The following FRYL variants were observed in gnomAD, a reference collection of about 807,000 sequenced individuals.
FRYL encodes the protein FRY like transcription coactivator.
FRYL carries 150 observed loss-of-function variants against 351.2 expected under a neutral mutation model. The observed-to-expected ratio is 0.43, with a 90% CI of 0.37 to 0.49. The LOEUF (loss-of-function observed/expected upper bound fraction) is 0.49. FRYL is among the 20% of genes least tolerant of loss of function. The probability of loss-of-function intolerance (pLI) is 0.00; values close to 1 mark genes in which losing one functional copy is unlikely to be tolerated. For missense variants in FRYL, 3,036 were observed against 3,619.3 expected (o/e 0.84, Z 4.13); for synonymous variants, 1,153 against 1,257.1 (o/e 0.92, Z 1.75).
chr4:48,574,647 A>T (rs7679210), intron 25 of FRYL: 78,007 of 151,872 alleles, frequency 0.51, 20,493 homozygotes, highest in South Asian at 0.62. Flanking sequence ...GCAGAACTTC[A>T]GGCAAAACTG....
intron 53 of FRYL, 77 bp downstream of exon 53, chr4:48,527,400 G>A (rs1726497175): frequency 2.4e-6 from 3 of 1,238,342 alleles, no homozygotes; most frequent in South Asian, 1.6e-5. Context: ...CCTCAATAAG[G>A]AATGATCCTG....
chr4:48,564,859 A>T, intron 30 of FRYL, 74 bp downstream of exon 30: 1 of 711,474 alleles, frequency 1.4e-6, no homozygotes, highest in Non-Finnish European at 2.3e-6. Context: ...ACTTGTTTTT[A>T]GTGCAACATA....
Position 48,732,597 on chromosome 4 carries a change from T to C in FRYL, c.-383-21899A>G, listed in dbSNP as rs192653403. Among the ~76,000 whole-genome samples, 1,332 of 152,016 alleles carry C rather than the reference T, an allele frequency of 8.8e-3. 18 individuals are homozygous for C. Among genetic ancestry groups the C allele is most frequent in the African/African-American group, 0.031 (1,270 of 41,438 alleles). ...TACACCATGGAATACTCTGCAGCCA[T>C]AAAAAAGGATGAGTTCATGTCCTTT... On this transcript the variant is annotated intron_variant, in intron 1 of 63. Coordinates refer to ENST00000358350, the MANE Select transcript of FRYL (RefSeq NM_015030.2).
intron 3 of FRYL, among the ~76,000 whole-genome samples, chr4:48,655,958 TTATA>T (rs1332831265): frequency 1.4e-5 from 2 of 139,130 alleles, no homozygotes. Context: ...TATATGTACA[TTATA>T]TATAATGTGC....
chr4:48,619,426 TGTTA>T (rs1400154483), intron 6 of FRYL, 56 bp from the exon 7 acceptor site: 19 of 912,568 alleles, frequency 2.1e-5, no homozygotes, highest in African/African-American at 3.4e-5. Context: ...TAAAAATACC[TGTTA>T]GTTAGTAGCT....
chr4:48,706,302 T>C (rs1029944948), intron 2 of FRYL, among the ~76,000 whole-genome samples: 4 of 152,238 alleles, frequency 2.6e-5, no homozygotes, highest in Non-Finnish European at 5.9e-5. Flanking sequence ...TGGAATATTA[T>C]TCAGCCTTAA....
chr4:48,663,774 CAAAAAA>C (rs71191251), intron 3 of FRYL, among the ~76,000 whole-genome samples: 15 of 70,112 alleles, frequency 2.1e-4, no homozygotes, highest in South Asian at 7.7e-4. Context: ...GACTCCGTCT[CAAAAAA>C]AAAAAAAAAA....
intron 1 of FRYL, among the ~76,000 whole-genome samples, chr4:48,762,046 T>A (rs1774472055): frequency 6.6e-6 from 1 of 152,158 alleles, no homozygotes; most frequent in South Asian, 2.1e-4. Context: ...ACTAGCTCTC[T>A]TTCCACCAAG....
chr4:48,584,183 T>C (rs1487946334), intron 19 of FRYL, among the ~76,000 whole-genome samples: 1 of 152,198 alleles, frequency 6.6e-6, no homozygotes, highest in Non-Finnish European at 1.5e-5. Flanking sequence ...CTGAAGAGAA[T>C]TATGCTAGTA....
rs904989125 is a variant in FRYL, at chr4:48,734,774, C to T, written c.-383-24076G>A. Among the ~76,000 whole-genome samples, 388 of 152,228 alleles carry T rather than the reference C, an allele frequency of 2.5e-3. 4 individuals are homozygous for T. The highest frequency in any genetic ancestry group is 6.8e-3 in the Middle Eastern group (2 of 294). On this transcript the variant is annotated intron_variant, in intron 1 of 63. Coordinates refer to ENST00000358350, the MANE Select transcript of FRYL (RefSeq NM_015030.2). Reference sequence around the variant, plus strand: ...TTTCTACATATGGCTAGCCAGTTTTCCCAGCACCATTTATTAAATAGGGAA... The same window carrying T: ...TTTCTACATATGGCTAGCCAGTTTTTCCAGCACCATTTATTAAATAGGGAA...
At chr4:48,548,607 C>T in intron 40 of FRYL, 83 bp downstream of exon 40, 1 of 761,456 alleles carries the variant, frequency 1.3e-6, no homozygotes, top group Non-Finnish European at 2.2e-6. Context: ...AACAGAAACA[C>T]ATAAAAACTG....
intron 7 of FRYL, among the ~76,000 whole-genome samples, chr4:48,616,950 T>C (rs1024938052): frequency 1.3e-5 from 2 of 152,224 alleles, no homozygotes; most frequent in African/African-American, 4.8e-5. Context: ...TAGTTAGTGG[T>C]GATATTTCAG....
chr4:48,603,473 T>C (rs1338902224), intron 11 of FRYL, 85 bp from the exon 12 acceptor site: 3 of 876,726 alleles, frequency 3.4e-6, no homozygotes, highest in African/African-American at 1.7e-5. Flanking sequence ...TCTGTAAGGT[T>C]TGAAATTGGT....
At chr4:48,614,815 CTT>C (rs369399363) in intron 7 of FRYL, among the ~76,000 whole-genome samples, 18 of 67,956 alleles carry the variant, frequency 2.6e-4, no homozygotes, top group East Asian at 4.8e-4. Flanking sequence ...AAGTTTAATG[CTT>C]TTTTTTTTTT....
intron 1 of FRYL, among the ~76,000 whole-genome samples, chr4:48,760,552 T>G (rs1365704540): frequency 1.3e-5 from 2 of 152,230 alleles, no homozygotes; most frequent in Admixed American, 1.3e-4. Context: ...TTTTGTTTTT[T>G]CCTTGCCTTA....
At chr4:48,546,393 T>C (rs566163119) in intron 41 of FRYL, 122 bp from the exon 42 acceptor site, 16 of 727,110 alleles carry the variant, frequency 2.2e-5, no homozygotes, top group Non-Finnish European at 3.7e-5. Context: ...CAGTGCAAGG[T>C]GATGTGAATC....
chr4:48,689,895 CTTTTTTTT>C (rs869300628), intron 2 of FRYL, among the ~76,000 whole-genome samples: 3 of 135,676 alleles, frequency 2.2e-5, no homozygotes, highest in Admixed American at 1.5e-4. Context: ...TTCTTTTTTT[CTTTTTTTT>C]TTTTTTTTTG....
intron 31 of FRYL, 46 bp from the exon 32 acceptor site, chr4:48,563,034 CT>C (rs776387053): frequency 8.7e-7 from 1 of 1,155,688 alleles, no homozygotes; most frequent in Non-Finnish European, 1.3e-6. Context: ...TGTTTAGAGG[CT>C]TTTGCACCAT....
At chr4:48,556,051 C>T (rs1226211543) in intron 35 of FRYL, among the ~76,000 whole-genome samples, 1 of 152,144 alleles carries the variant, frequency 6.6e-6, no homozygotes, top group Non-Finnish European at 1.5e-5. Flanking sequence ...TGCGCCACCA[C>T]ACCCGGCTAA....
Sources: allele counts gnomAD v4.1 joint callset (sites outside exome capture counted in the v4.1 genomes callset), GRCh38; gene constraint gnomAD v4.1.1; transcripts MANE v1.5; gene names NCBI Gene and HGNC (gene_info 2026-07-23, HGNC 2026-07-21).